The following IRX1 variants were observed in gnomAD, a reference collection of about 807,000 sequenced individuals.
The protein encoded by IRX1 is iroquois homeobox 1.
A neutral mutation model predicts 34.1 loss-of-function variants in IRX1; 22 were observed. The observed-to-expected ratio is 0.64, with a 90% CI of 0.46 to 0.92. The LOEUF is 0.92. Ranked by LOEUF, IRX1 falls within the 40% of genes least tolerant of loss-of-function variation. IRX1 has a pLI of 0.00. For missense variants in IRX1, 758 were observed against 680.0 expected (o/e 1.11, Z -1.28); for synonymous variants, 363 against 319.0 (o/e 1.14, Z -1.47).
chr5:3,600,901 CTACT>C lies in IRX1; in HGVS notation c.1386-81_1386-78del. 1.2e-5 allele frequency: 18 copies of C among 1,441,890 alleles called. No individual in the cohort carries two copies. In the South Asian group the frequency reaches 2.1e-4, roughly 16 times the overall value. 89.3% of individuals were successfully genotyped at this position (1,441,890 alleles called of 1,614,324 possible). ...TGTCGACCCCGCCCCCAGGGCTCCG[CTACT>C]GGAACCGGCGTCGCCCGGCGCTGCG... is the stretch of plus-strand genomic sequence containing the variant. On this transcript the variant is annotated intron_variant, in intron 3 of 3. Transcript: ENST00000302006.
At position 3,599,311 on chromosome 5, in the gene IRX1, C is replaced by A; in HGVS notation, c.363C>A (p.Gly121=). 6.2e-7 allele frequency: 1 copy of A among 1,614,084 alleles called. No individual in the cohort carries two copies. Among genetic ancestry groups the A allele is most frequent in the East Asian group, 2.2e-5 (1 of 44,844 alleles). Residue 121 remains glycine (G), a synonymous_variant, in exon 2 of 4, where the codon GGC becomes GGA. Coordinates refer to ENST00000302006, the MANE Select transcript of IRX1 (RefSeq NM_024337.4). This position sits in a 1 kb window ranked among gnomAD's most constrained non-coding sequence, Gnocchi z 6.6. ...AHTAPAYYPY[G]QFQYGDPGRP... ...CGGCGCCGGCTTATTACCCCTACGGCCAGTTCCAATACGGGGACCCCGGGC... is the reference window on the plus strand; with the variant it reads ...CGGCGCCGGCTTATTACCCCTACGGACAGTTCCAATACGGGGACCCCGGGC...
At chr5:3,600,880 G>T (rs1359834799) in intron 3 of IRX1, 103 bp from the exon 4 acceptor site, 50 of 1,326,070 alleles carry the variant, frequency 3.8e-5, no homozygotes, top group Non-Finnish European at 5.4e-5. Flanking sequence ...GCTGGCTGTC[G>T]ACCCCGCCCC....
At chr5:3,597,103 C>T (rs187510397) in intron 1 of IRX1, among the ~76,000 whole-genome samples, 8 of 152,190 alleles carry the variant, frequency 5.3e-5, no homozygotes, top group Non-Finnish European at 8.8e-5. Context: ...AAGAAAAGCA[C>T]TTTTCTTCCT....
Position 3,601,322 on chromosome 5 carries a change from G to T in IRX1, c.*282G>T, listed in dbSNP as rs1188325232. ...CTCTTTCCCCCCTTTTCTGTATATA[G>T]AGTGGTTTCAGATTGTAAATAGCGC... On this transcript the variant is annotated 3_prime_UTR_variant, in exon 4 of 4. Coordinates refer to ENST00000302006, the MANE Select transcript of IRX1 (RefSeq NM_024337.4). 1 of 494,942 alleles carries T rather than the reference G, an allele frequency of 2.0e-6. No individual in the cohort carries two copies. The highest frequency in any genetic ancestry group is 3.6e-6 in the Non-Finnish European group (1 of 274,242). The allele number at this position is 494,942 out of a possible 1,614,324, so 30.7% of individuals were successfully genotyped here.
chr5:3,600,982 G>T lies in IRX1; in HGVS notation c.1386-1G>T, dbSNP rs745489951. ...CTTGTCTCGCTGTGTTTCCCATGCAGCTCTCTGGCCCCGCAGGAGGGAACG... is the reference window on the plus strand; with the variant it reads ...CTTGTCTCGCTGTGTTTCCCATGCATCTCTCTGGCCCCGCAGGAGGGAACG... On this transcript the variant is annotated splice_acceptor_variant, in intron 3 of 3. Coordinates refer to ENST00000302006, the MANE Select transcript of IRX1 (RefSeq NM_024337.4). LOFTEE classifies it high-confidence loss of function. 1 of 1,613,030 alleles carries T rather than the reference G, an allele frequency of 6.2e-7. No homozygotes were observed. Among genetic ancestry groups the T allele is most frequent in the South Asian group, 1.1e-5 (1 of 91,068 alleles).
Position 3,601,077 on chromosome 5 carries a change from G to C in IRX1, c.*37G>C. ...CTTTTACTTTTGCGGGGGGGAGGGG[G>C]GAGGAGTTGGGGAGGGAGGGAATGT... is the stretch of plus-strand genomic sequence containing the variant. On this transcript the variant is annotated 3_prime_UTR_variant, in exon 4 of 4. Coordinates refer to ENST00000302006, the MANE Select transcript of IRX1 (RefSeq NM_024337.4). 6.5e-7 allele frequency: 1 copy of C among 1,549,146 alleles called. No homozygotes were observed. Among genetic ancestry groups the C allele is most frequent in the South Asian group, 1.1e-5 (1 of 89,674 alleles).
At chr5:3,600,870 G>A (rs1362939033) in intron 3 of IRX1, 113 bp from the exon 4 acceptor site, 5 of 1,262,320 alleles carry the variant, frequency 4.0e-6, no homozygotes, top group African/African-American at 2.9e-5. Context: ...CGGGAGCCGC[G>A]CTGGCTGTCG....
In IRX1 at chr5:3,600,252, C is replaced by A. The variant is rs1197001451; in HGVS notation, c.1304C>A (p.Thr435Lys). The A allele has an allele frequency of 5.0e-6, 8 of 1,591,168 alleles. No homozygotes were observed. The highest frequency in any genetic ancestry group is 5.1e-6 in the Non-Finnish European group (6 of 1,172,240). ...AAGGCCTCGGTCCGCAGCAGCCCCA[C>A]GCTCCCAGGTACAGCTCCAGGCCGC... ...GDKASVRSSPTLPERDLVPRP... is the reference protein window; with the variant it reads ...GDKASVRSSPKLPERDLVPRP... The change falls in exon 2 of 4, where the codon ACG becomes AAG. Residue 435 changes from threonine (T) to lysine (K), a missense_variant. Coordinates refer to ENST00000302006, the MANE Select transcript of IRX1 (RefSeq NM_024337.4).
chr5:3,600,748 C>A, intron 3 of IRX1, 67 bp downstream of exon 3: 1 of 1,447,450 alleles, frequency 6.9e-7, no homozygotes, highest in South Asian at 1.2e-5. Flanking sequence ...TGGTCGGGAC[C>A]CGGGCGGAGC....
chr5:3,599,205 G>A lies in IRX1; in HGVS notation c.277-20G>A, dbSNP rs747752554. Reference sequence around the variant, plus strand: ...ACTTCCCTCCTCTCTCTCCTCGATGGATCTGCCCTGTGGCTTCAGGGCTCG... The same window carrying A: ...ACTTCCCTCCTCTCTCTCCTCGATGAATCTGCCCTGTGGCTTCAGGGCTCG... On this transcript the variant is annotated intron_variant, in intron 1 of 3. Transcript: ENST00000302006. This position sits in a 1 kb window ranked among gnomAD's most constrained non-coding sequence, Gnocchi z 6.6. 2.5e-6 allele frequency: 4 copies of A among 1,603,542 alleles called. No individual in the cohort carries two copies. In the East Asian group the frequency reaches 6.7e-5, roughly 27 times the overall value.
chr5:3,596,213 C>G lies in IRX1; in HGVS notation c.108C>G (p.Ala36=). ...TGGCCGCGGCCGCTGCGGCGGCTGC[C>G]GCCGCCTCGTCGGGCCGACCGGGGG... ...GVLAAAAAAA[A]AASSGRPGAA... Residue 36 remains alanine (A), a synonymous_variant, in exon 1 of 4, where the codon GCC becomes GCG. Transcript: ENST00000302006. The G allele has an allele frequency of 9.2e-7, 1 of 1,084,630 alleles. No individual in the cohort carries two copies. The highest frequency in any genetic ancestry group is 1.1e-6 in the Non-Finnish European group (1 of 895,432). The allele number at this position is 1,084,630 out of a possible 1,614,324, so 67.2% of individuals were successfully genotyped here.
At chr5:3,600,721 G>A in intron 3 of IRX1, 40 bp downstream of exon 3, 2 of 1,561,408 alleles carry the variant, frequency 1.3e-6, no homozygotes, top group Non-Finnish European at 1.8e-6. Context: ...AAGGCGGTGG[G>A]GAGGGGGGAG....
chr5:3,596,390 G>T lies in IRX1; in HGVS notation c.276+9G>T, dbSNP rs753947206. 4.1e-5 allele frequency: 62 copies of T among 1,509,530 alleles called. No homozygotes were observed. Among genetic ancestry groups the T allele is most frequent in the Non-Finnish European group, 5.4e-5 (61 of 1,130,752 alleles). The allele number at this position is 1,509,530 out of a possible 1,614,324, so 93.5% of individuals were successfully genotyped here. On this transcript the variant is annotated intron_variant, in intron 1 of 3. Transcript: ENST00000302006. Reference sequence around the variant, plus strand: ...GCCTCTTCTCGCAGATGGTGAGTGCGCCCGGCCTCCCCCGCTTCTCCTCTG... The same window carrying T: ...GCCTCTTCTCGCAGATGGTGAGTGCTCCCGGCCTCCCCCGCTTCTCCTCTG...
chr5:3,598,018 T>A (rs1173096312), intron 1 of IRX1, among the ~76,000 whole-genome samples: 1 of 152,162 alleles, frequency 6.6e-6, no homozygotes, highest in African/African-American at 2.4e-5. Context: ...CTGAGTTGTT[T>A]TTCCCACCTA....
Position 3,599,714 on chromosome 5 carries a change from G to C in IRX1, c.766G>C (p.Ala256Pro), listed in dbSNP as rs376236311. The C allele has an allele frequency of 1.1e-4, 177 of 1,612,516 alleles. 8 individuals are homozygous for C. Among genetic ancestry groups the C allele is most frequent in the East Asian group, 8.9e-4 (40 of 44,790 alleles). The change falls in exon 2 of 4, where the codon GCA becomes CCA. Residue 256 changes from alanine (A) to proline (P), a missense_variant. Ala to Pro is a conservative substitution (Grantham distance 27, BLOSUM62 -1). Transcript: ENST00000302006. The surrounding 1 kb of genome is among the most constrained non-coding windows in gnomAD (Gnocchi z 6.6). ...CAAGGCCGAGGCTCCGCACGCGCCC[G>C]CAGCCCCTTCTGCTCTTGCCCGGGA... ...EDKAEAPHAP[A>P]APSALARDQG...
chr5:3,601,159 G>A lies in IRX1; in HGVS notation c.*119G>A, dbSNP rs1176355304. ...TGTAAAGGACAAATATGACAACGAC[G>A]TCAAGGACTCGCATCCGTCGCTTTC... On this transcript the variant is annotated 3_prime_UTR_variant, in exon 4 of 4. Coordinates refer to ENST00000302006, the MANE Select transcript of IRX1 (RefSeq NM_024337.4). 8.4e-6 allele frequency: 8 copies of A among 956,798 alleles called. No individual in the cohort carries two copies. The highest frequency in any genetic ancestry group is 1.3e-5 in the Non-Finnish European group (8 of 613,894). The allele number at this position is 956,798 out of a possible 1,614,324, so 59.3% of individuals were successfully genotyped here.
At chr5:3,600,370 G>A (rs1171734368) in intron 2 of IRX1, 110 bp downstream of exon 2, 4 of 1,118,354 alleles carry the variant, frequency 3.6e-6, no homozygotes, top group Middle Eastern at 2.6e-4. Flanking sequence ...GGCAGTGGCC[G>A]CTGAGCCCTG....
intron 1 of IRX1, among the ~76,000 whole-genome samples, chr5:3,597,303 G>C (rs778738245): frequency 3.2e-4 from 48 of 152,220 alleles, no homozygotes; most frequent in Non-Finnish European, 5.3e-4. Context: ...CAAGGTCGGT[G>C]CTTAAACTTC....
Position 3,599,841 on chromosome 5 carries a change from G to A in IRX1, c.893G>A (p.Ser298Asn). The change falls in exon 2 of 4, where the codon AGC (serine) becomes AAC (asparagine). Residue 298 changes from serine to asparagine, a missense_variant. Physicochemically the swap from Ser to Asn is conservative, Grantham distance 46 (BLOSUM62 1). This residue lies in a region of IRX1 where 529 missense variants were observed against 418.8 expected (regional missense o/e 1.26). Transcript: ENST00000302006. This position sits in a 1 kb window ranked among gnomAD's most constrained non-coding sequence, Gnocchi z 6.6. The stretch of plus-strand genomic sequence containing the variant: ...GAGCCGGGCAGCACGCGCCTGCTGA[G>A]CCCCGGCGCTGCAGCGGGCGGCCTG... ...APEPGSTRLLSPGAAAGGLQG... is the reference protein window; with the variant it reads ...APEPGSTRLLNPGAAAGGLQG... 1.9e-6 allele frequency: 3 copies of A among 1,548,466 alleles called. No individual in the cohort carries two copies. The highest frequency in any genetic ancestry group is 2.7e-5 in the African/African-American group (2 of 73,160).
Sources: allele counts gnomAD v4.1 joint callset (sites outside exome capture counted in the v4.1 genomes callset), GRCh38; gene constraint gnomAD v4.1.1; regional missense constraint gnomAD v4.1.1; non-coding constraint Gnocchi (gnomAD v3.1); transcripts MANE v1.5; gene names NCBI Gene and HGNC (gene_info 2026-07-23, HGNC 2026-07-21).